ZNF385D: variants seen among roughly 807,000 people sequenced by gnomAD.
ZNF385D encodes zinc finger protein 385D, also known as zinc finger protein 659.
ZNF385D carries 15 observed loss-of-function variants against 35.8 expected under a neutral mutation model. That is an observed-to-expected ratio of 0.42 (90% CI 0.28 to 0.64). The LOEUF is 0.64. Ranked by LOEUF, ZNF385D falls within the 30% of genes least tolerant of loss-of-function variation. The pLI is 0.23. For synonymous variants in ZNF385D, 212 were observed against 186.8 expected, an observed-to-expected ratio of 1.13 and a Z score of -1.10; for missense variants, 474 against 494.6, an observed-to-expected ratio of 0.96 and a Z score of 0.39.
intron 3 of ZNF385D, among the ~76,000 whole-genome samples, chr3:21,997,833 GT>G (rs1414528000): frequency 6.6e-6 from 1 of 151,620 alleles, no homozygotes; most frequent in South Asian, 2.1e-4. Flanking sequence ...ATCTGGTGGG[GT>G]TTTTTGTTGA....
At chr3:21,831,881 T>C (rs1032343645) in intron 3 of ZNF385D, among the ~76,000 whole-genome samples, 10 of 152,176 alleles carry the variant, frequency 6.6e-5, no homozygotes, top group African/African-American at 2.4e-4. Flanking sequence ...AAGCTGCAGT[T>C]TGAAAATATT....
rs2066105758 is a variant in ZNF385D, at chr3:21,657,466, G to GAT, written c.165+7418_165+7419dup. On this transcript the variant is annotated intron_variant, in intron 2 of 7. Coordinates refer to ENST00000281523, the MANE Select transcript of ZNF385D (RefSeq NM_024697.3). ...CTACAGGACTCAGCAAACATGCTTAGATATCTGCTTCAGTGTGAAACGTAT... is the reference window on the plus strand; with the variant it reads ...CTACAGGACTCAGCAAACATGCTTAGATATATCTGCTTCAGTGTGAAACGTAT... Among the ~76,000 whole-genome samples the GAT allele has an allele frequency of 2.0e-5, 3 of 152,044 alleles. No homozygotes were observed. In the East Asian group the frequency reaches 5.8e-4, roughly 29 times the overall value.
intron 3 of ZNF385D, among the ~76,000 whole-genome samples, chr3:22,068,337 G>C (rs1172776216): frequency 2.6e-5 from 4 of 151,984 alleles, no homozygotes; most frequent in Admixed American, 1.3e-4. Context: ...TTAACACTCT[G>C]AGCTACACTT....
chr3:21,975,084 A>G (rs1348646774), intron 3 of ZNF385D, among the ~76,000 whole-genome samples: 2 of 152,200 alleles, frequency 1.3e-5, no homozygotes, highest in African/African-American at 4.8e-5. Flanking sequence ...CCCAAAAGAG[A>G]GAAAATCAGT....
chr3:21,590,745 T>A (rs2063950174), intron 2 of ZNF385D, among the ~76,000 whole-genome samples: 1 of 152,108 alleles, frequency 6.6e-6, no homozygotes, highest in Non-Finnish European at 1.5e-5. Context: ...ATAATAGCTG[T>A]CTAACGCTGC....
intron 3 of ZNF385D, among the ~76,000 whole-genome samples, chr3:22,017,369 G>A (rs1443776058): frequency 2.6e-5 from 4 of 151,904 alleles, no homozygotes; most frequent in Admixed American, 1.3e-4. Context: ...CTTTCGGTTC[G>A]TAGATCTCTG....
intron 3 of ZNF385D, among the ~76,000 whole-genome samples, chr3:22,076,266 T>C (rs868603887): frequency 2.1e-4 from 32 of 151,922 alleles, no homozygotes; most frequent in African/African-American, 7.7e-4. Context: ...TCCTCCATTA[T>C]TGTGGCCTGG....
At chr3:21,854,688 T>C (rs148273240) in intron 3 of ZNF385D, among the ~76,000 whole-genome samples, 1 of 152,092 alleles carries the variant, frequency 6.6e-6, no homozygotes, top group African/African-American at 2.4e-5. Context: ...TTACCAAAAA[T>C]ACCTTTAATC....
At chr3:21,684,303 A>G (rs1218001927) in intron 1 of ZNF385D, among the ~76,000 whole-genome samples, 2 of 146,012 alleles carry the variant, frequency 1.4e-5, no homozygotes, top group Non-Finnish European at 3.0e-5. Context: ...AATGAAGGTA[A>G]TAAATATCTC....
intron 2 of ZNF385D, among the ~76,000 whole-genome samples, chr3:22,170,526 G>C (rs1450390695): frequency 6.6e-6 from 1 of 152,142 alleles, no homozygotes; most frequent in African/African-American, 2.4e-5. Flanking sequence ...CTTTCTTTGT[G>C]AACTAATTCA....
intron 2 of ZNF385D, among the ~76,000 whole-genome samples, chr3:21,588,316 A>C (rs1318216450): frequency 6.6e-6 from 1 of 152,210 alleles, no homozygotes. Context: ...TTCAACTTTT[A>C]AGACTTTCAT....
rs1038019400 is a variant in ZNF385D, at chr3:21,947,432, C to A, written c.325+221385G>T. ...ATGGCACAATCTCGTCTCACTGCAACCTCCGCCTCCTGGGTTCAAGCCATT... is the reference window on the plus strand; with the variant it reads ...ATGGCACAATCTCGTCTCACTGCAAACTCCGCCTCCTGGGTTCAAGCCATT... On this transcript the variant is annotated intron_variant, in intron 3 of 5. Transcript: ENST00000494108. Among the ~76,000 whole-genome samples the A allele has an allele frequency of 7.2e-5, 11 of 152,188 alleles. No individual in the cohort carries two copies. In the East Asian group the frequency reaches 2.1e-3, roughly 29 times the overall value.
At chr3:22,285,257 T>A (rs1013055772) in intron 2 of ZNF385D, among the ~76,000 whole-genome samples, 15 of 152,200 alleles carry the variant, frequency 9.9e-5, no homozygotes, top group African/African-American at 3.6e-4. Context: ...AAGAGGCTCA[T>A]CTGCCTCTAA....
chr3:21,485,741 GC>G lies in ZNF385D; in HGVS notation c.439+25119del, dbSNP rs553445246. 4.3e-4 allele frequency among the ~76,000 whole-genome samples: 66 copies of G among 151,958 alleles called. 3 individuals carry two copies. The South Asian group carries it at 0.013, about 30-fold the overall frequency. The stretch of plus-strand genomic sequence containing the variant: ...TTTCAGAACACCTACTATGTGGCAG[GC>G]CTTATGTTAGAGGCCTTAATTGCAT... On this transcript the variant is annotated intron_variant, in intron 4 of 7. Transcript: ENST00000281523.
chr3:21,845,079 C>T (rs1163394168), intron 3 of ZNF385D, among the ~76,000 whole-genome samples: 3 of 151,710 alleles, frequency 2.0e-5, no homozygotes, highest in Admixed American at 1.3e-4. Flanking sequence ...AGTTGCTTTG[C>T]GACATTTTTA....
intron 1 of ZNF385D, among the ~76,000 whole-genome samples, chr3:21,691,098 CA>C (rs1187290548): frequency 2.6e-5 from 4 of 152,066 alleles, no homozygotes; most frequent in Non-Finnish European, 1.5e-5. Flanking sequence ...CATGGTCAAA[CA>C]ATTAAATTGT....
chr3:21,750,557 G>T (rs2070019175), intron 1 of ZNF385D, among the ~76,000 whole-genome samples: 1 of 152,140 alleles, frequency 6.6e-6, no homozygotes. Context: ...ATTCCATTAA[G>T]TTAGCTCATG....
In ZNF385D at chr3:21,432,693, T is replaced by C. The variant is rs2125221916; in HGVS notation, c.673+4277A>G. 1.3e-5 allele frequency among the ~76,000 whole-genome samples: 2 copies of C among 152,042 alleles called. 1 individual carries two copies. The highest frequency in any genetic ancestry group is 4.1e-4 in the South Asian group (2 of 4,824). Reference sequence around the variant, plus strand: ...AGGTCAAGGGAAGGGCTTCCAAATCTCTTTAAAAGACTATGTCCTCTTAAG... The same window carrying C: ...AGGTCAAGGGAAGGGCTTCCAAATCCCTTTAAAAGACTATGTCCTCTTAAG... On this transcript the variant is annotated intron_variant, in intron 5 of 7. Transcript: ENST00000281523.
chr3:22,214,876 A>G (rs535737001), intron 2 of ZNF385D, among the ~76,000 whole-genome samples: 1 of 100,530 alleles, frequency 9.9e-6, no homozygotes, highest in South Asian at 2.5e-4. Context: ...GTGATATTCT[A>G]TTACCTTGTG....
Sources: gnomAD v4.1 joint callset for allele counts (sites outside exome capture counted in the v4.1 genomes callset) on GRCh38, gnomAD v4.1.1 for gene constraint, MANE v1.5 for transcripts, NCBI Gene and HGNC (gene_info 2026-07-23, HGNC 2026-07-21) for gene names.